Variants in SDK1 observed in about 807,000 individuals in gnomAD.
The protein encoded by SDK1 is protein sidekick-1.
A neutral mutation model predicts 245.5 loss-of-function variants in SDK1; 157 were observed. The ratio of observed to expected loss-of-function variants is 0.64; its 90% CI spans 0.56 to 0.73. SDK1 has a LOEUF of 0.73. Among genes scored for constraint, SDK1 ranks in the 30% least tolerant of loss-of-function variants. The probability of loss-of-function intolerance (pLI) is 0.00; values close to 1 mark genes in which losing one functional copy is unlikely to be tolerated. For missense variants in SDK1, 3,583 were observed against 3,002.3 expected, an observed-to-expected ratio of 1.19 and a Z score of -4.52; for synonymous variants, 1,647 against 1,278.5, an observed-to-expected ratio of 1.29 and a Z score of -6.15.
rs953896077 is a variant in SDK1, at chr7:4,113,551, C to G, written c.3585+112C>G. 8 of 1,259,552 alleles carry G rather than the reference C, an allele frequency of 6.4e-6. No homozygotes were observed. In the African/African-American group the frequency reaches 7.5e-5, roughly 12 times the overall value. 78.0% of individuals were successfully genotyped at this position (1,259,552 alleles called of 1,614,324 possible). ...AGTCACGCCTTTGTCCTAGTCAAAACTAATCTCATCGTCAAACCAAAAAGT... is the reference window on the plus strand; with the variant it reads ...AGTCACGCCTTTGTCCTAGTCAAAAGTAATCTCATCGTCAAACCAAAAAGT... On this transcript the variant is annotated intron_variant, in intron 24 of 44. Coordinates refer to ENST00000404826, the MANE Select transcript of SDK1 (RefSeq NM_152744.4).
At chr7:3,657,172 T>C (rs1583278218) in intron 4 of SDK1, among the ~76,000 whole-genome samples, 1 of 152,116 alleles carries the variant, frequency 6.6e-6, no homozygotes, top group Non-Finnish European at 1.5e-5. Context: ...TCACAGGGTG[T>C]GTGTCCCACC....
chr7:3,633,376 G>T (rs1782357435), intron 2 of SDK1, among the ~76,000 whole-genome samples: 1 of 152,124 alleles, frequency 6.6e-6, no homozygotes, highest in African/African-American at 2.4e-5. Flanking sequence ...CTGACGCTGT[G>T]GTTTTGGCCT....
At chr7:3,628,174 A>G (rs373569243) in intron 2 of SDK1, among the ~76,000 whole-genome samples, 7 of 152,198 alleles carry the variant, frequency 4.6e-5, no homozygotes, top group African/African-American at 1.2e-4. Flanking sequence ...TAACTGTTCT[A>G]TCAATTGGTG....
At chr7:3,935,163 C>G (rs903347951) in intron 5 of SDK1, among the ~76,000 whole-genome samples, 2 of 152,116 alleles carry the variant, frequency 1.3e-5, no homozygotes, top group African/African-American at 4.8e-5. Context: ...TGGTGAGTGC[C>G]AGGGACGATG....
chr7:4,213,430 CA>C (rs202103657), intron 38 of SDK1, among the ~76,000 whole-genome samples: 3,589 of 149,526 alleles, frequency 0.024, 64 homozygotes, highest in South Asian at 0.067. Context: ...AAAAAGAAAA[CA>C]AAAATTAGCT....
chr7:3,697,709 A>G lies in SDK1; in HGVS notation c.713+55604A>G, dbSNP rs186151698. Among the ~76,000 whole-genome samples, 834 of 152,074 alleles carry G rather than the reference A, an allele frequency of 5.5e-3. 12 individuals carry two copies. Among genetic ancestry groups the G allele is most frequent in the African/African-American group, 0.019 (786 of 41,484 alleles). On this transcript the variant is annotated intron_variant, in intron 4 of 44. Coordinates refer to ENST00000404826, the MANE Select transcript of SDK1 (RefSeq NM_152744.4). The stretch of plus-strand genomic sequence containing the variant: ...TATAACTTACTCATTTCCTCTCCCC[A>G]CTTCACTCCTACAGTAGGTTTTGCT...
At chr7:3,731,362 G>A (rs938364305) in intron 4 of SDK1, among the ~76,000 whole-genome samples, 5 of 152,282 alleles carry the variant, frequency 3.3e-5, no homozygotes, top group East Asian at 1.9e-4. Context: ...GGCGAGCCCC[G>A]GGACCGTGCC....
chr7:3,966,933 G>A (rs1782127260), intron 9 of SDK1, among the ~76,000 whole-genome samples: 1 of 152,148 alleles, frequency 6.6e-6, no homozygotes, highest in Admixed American at 6.5e-5. Flanking sequence ...CAGTCCTCTT[G>A]CCTCAGCCTC....
intron 5 of SDK1, among the ~76,000 whole-genome samples, chr7:3,873,326 G>T (rs986709538): frequency 2.6e-5 from 4 of 152,078 alleles, no homozygotes; most frequent in Non-Finnish European, 5.9e-5. Context: ...TTGCTCCTCT[G>T]TAGGCAATAT....
chr7:3,390,993 A>G (rs1026629804), intron 1 of SDK1, among the ~76,000 whole-genome samples: 2 of 152,190 alleles, frequency 1.3e-5, no homozygotes, highest in Non-Finnish European at 2.9e-5. Flanking sequence ...GCCAATGTCT[A>G]TACTATGGCT....
At chr7:4,076,316 G>A (rs530005021) in intron 20 of SDK1, among the ~76,000 whole-genome samples, 79 of 152,300 alleles carry the variant, frequency 5.2e-4, no homozygotes, top group African/African-American at 1.9e-3. Flanking sequence ...CACTAAGGGA[G>A]GCCGAGGCGG....
At chr7:3,971,972 T>A (rs1248236573) in intron 12 of SDK1, among the ~76,000 whole-genome samples, 1 of 151,718 alleles carries the variant, frequency 6.6e-6, no homozygotes, top group East Asian at 1.9e-4. Flanking sequence ...AGTTTCATCG[T>A]GAAATGGAGG....
chr7:4,080,205 G>A (rs915850661), intron 22 of SDK1, among the ~76,000 whole-genome samples: 9 of 152,218 alleles, frequency 5.9e-5, no homozygotes, highest in African/African-American at 2.2e-4. Flanking sequence ...AGAGCTGGGG[G>A]CGGGTTCCAC....
intron 5 of SDK1, among the ~76,000 whole-genome samples, chr7:3,844,150 T>G (rs552093460): frequency 6.6e-6 from 1 of 152,284 alleles, no homozygotes; most frequent in South Asian, 2.1e-4. Context: ...TTTGTATTTT[T>G]AGTTGAGGTG....
At chr7:3,801,789 T>C (rs909614691) in intron 4 of SDK1, among the ~76,000 whole-genome samples, 2 of 152,176 alleles carry the variant, frequency 1.3e-5, no homozygotes, top group African/African-American at 4.8e-5. Flanking sequence ...CCTTTGCACT[T>C]GGAGCTCTCT....
intron 1 of SDK1, among the ~76,000 whole-genome samples, chr7:3,585,589 A>C (rs1287343294): frequency 3.3e-5 from 5 of 152,158 alleles, no homozygotes; most frequent in African/African-American, 1.2e-4. Context: ...GTCATGAAGA[A>C]GGAAATTGAT....
rs532722290 is a variant in SDK1, at chr7:4,199,679, TGGGGCTATGGAA to T, written c.5099-6197_5099-6186del. 8.6e-4 allele frequency among the ~76,000 whole-genome samples: 131 copies of T among 152,262 alleles called. 1 individual carries two copies. Among genetic ancestry groups the T allele is most frequent in the African/African-American group, 3.0e-3 (125 of 41,556 alleles). On this transcript the variant is annotated intron_variant, in intron 35 of 44. Coordinates refer to ENST00000404826, the MANE Select transcript of SDK1 (RefSeq NM_152744.4). Reference sequence around the variant, plus strand: ...AGCAGAGCAGACTAAGGCCATCCCCTGGGGCTATGGAAGGAGAGTGTCCCCTGTCCCAGCTGC... The same window carrying T: ...AGCAGAGCAGACTAAGGCCATCCCCTGGAGAGTGTCCCCTGTCCCAGCTGC...
chr7:4,191,050 C>T (rs916426354), intron 35 of SDK1, among the ~76,000 whole-genome samples: 1 of 152,216 alleles, frequency 6.6e-6, no homozygotes, highest in African/African-American at 2.4e-5. Flanking sequence ...AATCCCATCC[C>T]CTCACTTTCT....
intron 1 of SDK1, among the ~76,000 whole-genome samples, chr7:3,521,688 A>C (rs1295514374): frequency 6.6e-6 from 1 of 152,164 alleles, no homozygotes; most frequent in Non-Finnish European, 1.5e-5. Context: ...GGAGTTACAG[A>C]AGTGGGGGAA....
Sources: gnomAD v4.1 joint callset for allele counts (sites outside exome capture counted in the v4.1 genomes callset) on GRCh38, gnomAD v4.1.1 for gene constraint, MANE v1.5 for transcripts, NCBI Gene and HGNC (gene_info 2026-07-23, HGNC 2026-07-21) for gene names.